The following TMEM38A variants were observed in gnomAD, a reference collection of about 807,000 sequenced individuals.
TMEM38A encodes the protein transmembrane protein 38A.
Under a neutral mutation model 28.6 loss-of-function variants are expected in TMEM38A, and 17 were observed. That is an observed-to-expected ratio of 0.60 (90% CI 0.41 to 0.89). The LOEUF (loss-of-function observed/expected upper bound fraction) is 0.89, where lower values mean the gene tolerates loss of function less well. Among genes scored for constraint, TMEM38A ranks in the 40% least tolerant of loss-of-function variants. The probability of loss-of-function intolerance (pLI) is 0.00; values close to 1 mark genes in which losing one functional copy is unlikely to be tolerated. For synonymous variants in TMEM38A, 169 were observed against 166.1 expected (o/e 1.02, Z -0.14); for missense variants, 328 against 393.1 (o/e 0.83, Z 1.40).
At chr19:16,670,661 G>A (rs1461457255) in intron 1 of TMEM38A, among the ~76,000 whole-genome samples, 8 of 152,064 alleles carry the variant, frequency 5.3e-5, no homozygotes, top group South Asian at 2.1e-4. Context: ...ATGTCCAGCC[G>A]GGTGCGGGGG....
At chr19:16,665,287 T>G (rs908042453) in intron 1 of TMEM38A, among the ~76,000 whole-genome samples, 11 of 150,668 alleles carry the variant, frequency 7.3e-5, no homozygotes, top group Non-Finnish European at 1.2e-4. Flanking sequence ...AGAATGAAAC[T>G]CCGTCTCAAT....
chr19:16,687,761 C>T (rs1284513642), intron 5 of TMEM38A, among the ~76,000 whole-genome samples: 4 of 152,170 alleles, frequency 2.6e-5, no homozygotes, highest in African/African-American at 9.7e-5. Flanking sequence ...CCTCCAAAGG[C>T]CTTACCTCCT....
chr19:16,679,305 G>A (rs1007308984), intron 1 of TMEM38A, among the ~76,000 whole-genome samples: 3 of 144,294 alleles, frequency 2.1e-5, no homozygotes, highest in African/African-American at 8.1e-5. Context: ...GTGTATGTGT[G>A]TGTTTTAGAT....
In TMEM38A at chr19:16,661,352, G is replaced by A; in HGVS notation, c.124+11G>A. The stretch of plus-strand genomic sequence containing the variant: ...TCAAGTATGAGCCAGGTGAGCCGGG[G>A]CGGGGGGCTGGAGGGGACCGGCAGC... On this transcript the variant is annotated intron_variant, in intron 1 of 5. Transcript: ENST00000187762. This position sits in a 1 kb window ranked among gnomAD's most constrained non-coding sequence, Gnocchi z 6.5. 6.3e-7 allele frequency: 1 copy of A among 1,584,742 alleles called. No homozygotes were observed. The highest frequency in any genetic ancestry group is 1.4e-5 in the African/African-American group (1 of 73,366).
chr19:16,679,969 TC>T lies in TMEM38A; in HGVS notation c.125-13del. 6.3e-7 allele frequency: 1 copy of T among 1,587,204 alleles called. No homozygotes were observed. Among genetic ancestry groups the T allele is most frequent in the South Asian group, 1.1e-5 (1 of 88,168 alleles). On this transcript the variant is annotated splice_polypyrimidine_tract_variant and intron_variant, in intron 1 of 5. Transcript: ENST00000187762. ...GCATGCTGGTGATGATGGGGGACAC[TC>T]CTGTGCCTCCCAGGAGCAGTCGAAC...
rs540273495 is a variant in TMEM38A, at chr19:16,661,515, G to A, written c.124+174G>A. Among the ~76,000 whole-genome samples the A allele has an allele frequency of 2.0e-5, 3 of 152,146 alleles. No individual in the cohort carries two copies. The East Asian group carries it at 5.8e-4, about 30-fold the overall frequency. ...AATCGTGGGGTTCTCTCACGCCGGG[G>A]TGAGCCCGGGGGAGAAGCCCCCAGG... On this transcript the variant is annotated intron_variant, in intron 1 of 5. Coordinates refer to ENST00000187762, the MANE Select transcript of TMEM38A (RefSeq NM_024074.4). The surrounding 1 kb of genome is among the most constrained non-coding windows in gnomAD (Gnocchi z 6.5).
chr19:16,668,799 T>A (rs1468542592), intron 1 of TMEM38A, among the ~76,000 whole-genome samples: 1 of 152,004 alleles, frequency 6.6e-6, no homozygotes, highest in Non-Finnish European at 1.5e-5. Context: ...GATAGCTCAC[T>A]GGATAATATT....
chr19:16,688,114 CTT>C, intron 5 of TMEM38A, 28 bp from the exon 6 acceptor site: 1 of 1,409,832 alleles, frequency 7.1e-7, no homozygotes, highest in Non-Finnish European at 9.4e-7. Context: ...CTCTGTCTCT[CTT>C]GCTGTCTCCC....
At chr19:16,679,091 A>G (rs189340930) in intron 1 of TMEM38A, among the ~76,000 whole-genome samples, 3 of 151,150 alleles carry the variant, frequency 2.0e-5, no homozygotes, top group South Asian at 2.1e-4. Context: ...AGAATTTGCA[A>G]TGAGCTGAGA....
intron 1 of TMEM38A, among the ~76,000 whole-genome samples, chr19:16,663,293 A>T (rs1381686946): frequency 1.3e-5 from 2 of 151,592 alleles, no homozygotes; most frequent in Non-Finnish European, 2.9e-5. Flanking sequence ...AAAAAAAAAA[A>T]ATCTGAAACT....
intron 1 of TMEM38A, 65 bp from the exon 2 acceptor site, chr19:16,679,919 C>A: frequency 6.6e-7 from 1 of 1,516,558 alleles, no homozygotes; most frequent in Non-Finnish European, 8.9e-7. Context: ...CTGACCAGAG[C>A]ATATGGGAGT....
chr19:16,661,864 TCCCTTC>T lies in TMEM38A; in HGVS notation c.124+527_124+532del, dbSNP rs1386671168. On this transcript the variant is annotated intron_variant, in intron 1 of 5. Transcript: ENST00000187762. This position sits in a 1 kb window ranked among gnomAD's most constrained non-coding sequence, Gnocchi z 6.5. ...AACTGCCCAGCACCCTCCACTCCCC[TCCCTTC>T]CCCCACGGTGCTGAATCTCCGAGCC... Among the ~76,000 whole-genome samples the T allele has an allele frequency of 6.6e-6, 1 of 151,872 alleles. No individual in the cohort carries two copies. Among genetic ancestry groups the T allele is most frequent in the East Asian group, 1.9e-4 (1 of 5,160 alleles).
rs532194677 is a variant in TMEM38A, at chr19:16,666,383, C to G, written c.124+5042C>G. Among the ~76,000 whole-genome samples, 122 of 152,074 alleles carry G rather than the reference C, an allele frequency of 8.0e-4. 3 individuals are homozygous for G. Among genetic ancestry groups the G allele is most frequent in the South Asian group, 1.0e-3 (5 of 4,816 alleles). ...CCACCCGCCTCAGCCTCCCAAAGTGCTGAAATTACAGGTGTGAGCCACTGC... is the reference window on the plus strand; with the variant it reads ...CCACCCGCCTCAGCCTCCCAAAGTGGTGAAATTACAGGTGTGAGCCACTGC... On this transcript the variant is annotated intron_variant, in intron 1 of 5. Transcript: ENST00000187762.
chr19:16,679,252 C>CGTGTGTGTGTGTGT lies in TMEM38A; in HGVS notation c.125-699_125-686dup, dbSNP rs35543309. Among the ~76,000 whole-genome samples, 4 of 128,390 alleles carry CGTGTGTGTGTGTGT rather than the reference C, an allele frequency of 3.1e-5. No individual in the cohort carries two copies. In the East Asian group the frequency reaches 9.1e-4, roughly 29 times the overall value. The allele number at this position is 128,390 out of a possible 152,430, so 84.2% of individuals were successfully genotyped here. On this transcript the variant is annotated intron_variant, in intron 1 of 5. Transcript: ENST00000187762. ...GTCAGAATAGCAATTTCTTTTGTTTCGTGTGTGTGTGTGTGTGTGTGTGTG... is the reference window on the plus strand; with the variant it reads ...GTCAGAATAGCAATTTCTTTTGTTTCGTGTGTGTGTGTGTGTGTGTGTGTGTGTGTGTGTGTGTG...
intron 4 of TMEM38A, among the ~76,000 whole-genome samples, chr19:16,685,307 A>AC (rs2086797462): frequency 6.6e-6 from 1 of 150,982 alleles, no homozygotes; most frequent in Non-Finnish European, 1.5e-5. Flanking sequence ...AATCACTTGA[A>AC]CCCAGGAGGT....
intron 1 of TMEM38A, among the ~76,000 whole-genome samples, chr19:16,669,934 T>C (rs1460120135): frequency 3.3e-5 from 5 of 151,982 alleles, no homozygotes; most frequent in African/African-American, 1.2e-4. Flanking sequence ...GAGCTGATTT[T>C]TTTCTGTTTG....
intron 1 of TMEM38A, among the ~76,000 whole-genome samples, chr19:16,678,910 A>G (rs2086765251): frequency 1.3e-5 from 2 of 151,488 alleles, no homozygotes; most frequent in South Asian, 4.2e-4. Flanking sequence ...GCACTTTGGG[A>G]GGCTGAGGTG....
chr19:16,685,001 A>G (rs1227815720), intron 4 of TMEM38A, among the ~76,000 whole-genome samples: 2 of 151,562 alleles, frequency 1.3e-5, no homozygotes, highest in Admixed American at 6.6e-5. Context: ...GTGAGCCATG[A>G]TCAGACCACT....
chr19:16,665,793 T>C (rs899637823), intron 1 of TMEM38A, among the ~76,000 whole-genome samples: 2 of 151,672 alleles, frequency 1.3e-5, no homozygotes, highest in Non-Finnish European at 2.9e-5. Flanking sequence ...TTGCTTACTT[T>C]TCTGTTTCTT....
Sources: allele counts gnomAD v4.1 joint callset (sites outside exome capture counted in the v4.1 genomes callset), GRCh38; gene constraint gnomAD v4.1.1; non-coding constraint Gnocchi (gnomAD v3.1); transcripts MANE v1.5; gene names NCBI Gene and HGNC (gene_info 2026-07-23, HGNC 2026-07-21).